PCSK2: variants seen among roughly 807,000 people sequenced by gnomAD.
PCSK2 encodes the protein neuroendocrine convertase 2.
PCSK2 carries 14 observed loss-of-function variants against 69.7 expected under a neutral mutation model. The observed-to-expected ratio is 0.20, with a 90% CI of 0.13 to 0.31. The LOEUF (loss-of-function observed/expected upper bound fraction) is 0.31. Ranked by LOEUF, PCSK2 falls within the 10% of genes least tolerant of loss-of-function variation. The probability of loss-of-function intolerance (pLI) is 1.00; values close to 1 mark genes in which losing one functional copy is unlikely to be tolerated. For synonymous variants in PCSK2, 307 were observed against 320.7 expected, an observed-to-expected ratio of 0.96 and a Z score of 0.46; for missense variants, 544 against 842.5, an observed-to-expected ratio of 0.65 and a Z score of 4.39.
At chr20:17,455,698 C>T (rs528201112) in intron 9 of PCSK2, among the ~76,000 whole-genome samples, 1 of 152,354 alleles carries the variant, frequency 6.6e-6, no homozygotes, top group Admixed American at 6.5e-5. Flanking sequence ...GTATTGACAT[C>T]ACTTTCCACT....
chr20:17,263,652 T>C (rs1479988511), intron 2 of PCSK2, among the ~76,000 whole-genome samples: 7 of 152,222 alleles, frequency 4.6e-5, no homozygotes, highest in Non-Finnish European at 8.8e-5. Flanking sequence ...CCCTAGCACC[T>C]CTTTTACATA....
intron 2 of PCSK2, among the ~76,000 whole-genome samples, chr20:17,305,425 G>T (rs1989295706): frequency 6.6e-6 from 1 of 152,126 alleles, no homozygotes; most frequent in Non-Finnish European, 1.5e-5. Context: ...TAAGACAAGA[G>T]GGATGATTGG....
At chr20:17,432,829 C>T (rs906441236) in intron 7 of PCSK2, among the ~76,000 whole-genome samples, 3 of 152,234 alleles carry the variant, frequency 2.0e-5, no homozygotes, top group Non-Finnish European at 4.4e-5. Flanking sequence ...GGGCACCTTC[C>T]TGTTGCAGGG....
intron 2 of PCSK2, among the ~76,000 whole-genome samples, chr20:17,352,021 C>T (rs568793126): frequency 6.6e-5 from 10 of 152,272 alleles, no homozygotes; most frequent in South Asian, 2.1e-4. Flanking sequence ...ACAAAATCAA[C>T]GTGCAAAAAT....
At chr20:17,388,217 C>G (rs1372281602) in intron 5 of PCSK2, among the ~76,000 whole-genome samples, 1 of 152,002 alleles carries the variant, frequency 6.6e-6, no homozygotes, top group Non-Finnish European at 1.5e-5. Flanking sequence ...ACTTTCTGAG[C>G]CATGAGGATT....
chr20:17,257,261 G>A (rs2122990692), intron 1 of PCSK2, among the ~76,000 whole-genome samples: 1 of 152,312 alleles, frequency 6.6e-6, no homozygotes, highest in East Asian at 1.9e-4. Context: ...TCATTAAACA[G>A]CCAGGAAACA....
chr20:17,456,509 T>C, intron 10 of PCSK2, 61 bp downstream of exon 10: 1 of 871,202 alleles, frequency 1.1e-6, no homozygotes, highest in Non-Finnish European at 1.9e-6. Context: ...CGTGTCTCTC[T>C]GCCCACATGC....
At chr20:17,477,363 G>A (rs1385556511) in intron 11 of PCSK2, among the ~76,000 whole-genome samples, 1 of 151,486 alleles carries the variant, frequency 6.6e-6, no homozygotes, top group Non-Finnish European at 1.5e-5. Context: ...TTCAGCACAG[G>A]AAGATAATAT....
At chr20:17,252,718 G>A (rs1337671944) in intron 1 of PCSK2, among the ~76,000 whole-genome samples, 7 of 152,116 alleles carry the variant, frequency 4.6e-5, no homozygotes, top group African/African-American at 1.7e-4. Flanking sequence ...TGTGAATTGT[G>A]AGCTATTTGT....
At chr20:17,274,527 T>C (rs1339526733) in intron 2 of PCSK2, among the ~76,000 whole-genome samples, 1 of 152,122 alleles carries the variant, frequency 6.6e-6, no homozygotes, top group Non-Finnish European at 1.5e-5. Flanking sequence ...AGAATTGTGA[T>C]TACCCTGAGA....
chr20:17,365,840 G>T (rs910020135), intron 4 of PCSK2, among the ~76,000 whole-genome samples: 2 of 152,192 alleles, frequency 1.3e-5, no homozygotes, highest in African/African-American at 4.8e-5. Context: ...CCACCTTCTG[G>T]ACACACTGGG....
intron 5 of PCSK2, among the ~76,000 whole-genome samples, chr20:17,402,174 C>T (rs1252729579): frequency 1.3e-5 from 2 of 152,232 alleles, no homozygotes; most frequent in Non-Finnish European, 2.9e-5. Flanking sequence ...TCCTCCACCA[C>T]AGGGTTTTGG....
intron 5 of PCSK2, among the ~76,000 whole-genome samples, chr20:17,385,081 T>A (rs2031199035): frequency 6.6e-6 from 1 of 152,214 alleles, no homozygotes; most frequent in Non-Finnish European, 1.5e-5. Context: ...CATGCTCACT[T>A]TTTTACTTGA....
intron 5 of PCSK2, among the ~76,000 whole-genome samples, chr20:17,406,772 C>T (rs2031760518): frequency 6.6e-6 from 1 of 152,174 alleles, no homozygotes; most frequent in East Asian, 1.9e-4. Context: ...TCTAGTTTTC[C>T]CTCACTGACT....
intron 2 of PCSK2, among the ~76,000 whole-genome samples, chr20:17,272,430 A>G (rs1987905507): frequency 6.6e-6 from 1 of 152,102 alleles, no homozygotes; most frequent in African/African-American, 2.4e-5. Context: ...TACACTCATA[A>G]TCCATCCTTG....
At chr20:17,317,849 A>T (rs892027631) in intron 2 of PCSK2, among the ~76,000 whole-genome samples, 21 of 152,216 alleles carry the variant, frequency 1.4e-4, no homozygotes, top group Non-Finnish European at 1.9e-4. Context: ...ATAATTTTTT[A>T]AAAAAAGATG....
chr20:17,419,669 T>C (rs931978520), intron 6 of PCSK2, among the ~76,000 whole-genome samples: 2 of 152,324 alleles, frequency 1.3e-5, no homozygotes, highest in Admixed American at 1.3e-4. Context: ...ATCTGTCCAT[T>C]GTCAAGCTGC....
chr20:17,228,387 G>C (rs1986012386), intron 1 of PCSK2: 1 of 153,380 alleles, frequency 6.5e-6, no homozygotes, highest in African/African-American at 2.4e-5. Context: ...AAGGGCGCTG[G>C]GTGGGGGCTG....
intron 2 of PCSK2, among the ~76,000 whole-genome samples, chr20:17,314,844 A>G (rs1989629397): frequency 6.6e-6 from 1 of 152,184 alleles, no homozygotes; most frequent in Admixed American, 6.5e-5. Context: ...AATGTTTACT[A>G]ATAGAAGTGT....
Sources: gnomAD v4.1 joint callset for allele counts (sites outside exome capture counted in the v4.1 genomes callset) on GRCh38, gnomAD v4.1.1 for gene constraint, MANE v1.5 for transcripts, NCBI Gene and HGNC (gene_info 2026-07-23, HGNC 2026-07-21) for gene names.